VEGFC: variants seen among roughly 807,000 people sequenced by gnomAD.
VEGFC encodes the protein FLT4 ligand DHM.
A neutral mutation model predicts 46.1 loss-of-function variants in VEGFC; 12 were observed. That is an observed-to-expected ratio of 0.26 (90% confidence interval 0.17 to 0.42). VEGFC has a LOEUF of 0.42. VEGFC is among the 10% of genes least tolerant of loss of function. VEGFC has a pLI of 1.00. For missense variants in VEGFC, 488 were observed against 529.4 expected, an observed-to-expected ratio of 0.92 and a Z score of 0.77; for synonymous variants, 232 against 195.5, an observed-to-expected ratio of 1.19 and a Z score of -1.56.
At chr4:176,763,656 G>T (rs560411324) in intron 1 of VEGFC, among the ~76,000 whole-genome samples, 1 of 151,812 alleles carries the variant, frequency 6.6e-6, no homozygotes, top group Non-Finnish European at 1.5e-5. Flanking sequence ...CAAATAATTT[G>T]GTTCATATTA....
chr4:176,757,528 C>G (rs1579126004), intron 1 of VEGFC, among the ~76,000 whole-genome samples: 1 of 151,764 alleles, frequency 6.6e-6, no homozygotes, highest in Non-Finnish European at 1.5e-5. Context: ...AATATTGGTA[C>G]AGTCATAGAT....
At chr4:176,699,655 G>A (rs1345539656) in intron 4 of VEGFC, among the ~76,000 whole-genome samples, 1 of 152,280 alleles carries the variant, frequency 6.6e-6, no homozygotes, top group Admixed American at 6.5e-5. Flanking sequence ...TACGCCTGAC[G>A]CTTGTATACA....
chr4:176,753,332 C>T (rs534127865), intron 1 of VEGFC, among the ~76,000 whole-genome samples: 1 of 152,154 alleles, frequency 6.6e-6, no homozygotes, highest in South Asian at 2.1e-4. Flanking sequence ...GCAACTGCAC[C>T]TTATGGAATT....
chr4:176,719,377 A>T (rs551558855), intron 3 of VEGFC, among the ~76,000 whole-genome samples: 35 of 152,256 alleles, frequency 2.3e-4, no homozygotes, highest in Non-Finnish European at 4.7e-4. Flanking sequence ...AAATCATCAC[A>T]CACTCCCATT....
At chr4:176,692,733 C>T (rs538015277) in intron 4 of VEGFC, among the ~76,000 whole-genome samples, 1 of 149,002 alleles carries the variant, frequency 6.7e-6, no homozygotes, top group East Asian at 1.9e-4. Flanking sequence ...CCCTGTCTGA[C>T]AGCTTTGAAG....
chr4:176,702,198 A>G (rs1260629759), intron 4 of VEGFC, among the ~76,000 whole-genome samples: 1 of 152,192 alleles, frequency 6.6e-6, no homozygotes, highest in Non-Finnish European at 1.5e-5. Flanking sequence ...TTCTTAAATA[A>G]ACCCTAGTAA....
chr4:176,760,272 A>G (rs1237168533), intron 1 of VEGFC, among the ~76,000 whole-genome samples: 2 of 152,150 alleles, frequency 1.3e-5, no homozygotes, highest in Non-Finnish European at 2.9e-5. Context: ...CAAAGATCTT[A>G]AAGTTCTTCT....
intron 1 of VEGFC, among the ~76,000 whole-genome samples, chr4:176,783,573 C>A (rs1340262979): frequency 6.6e-6 from 1 of 152,038 alleles, no homozygotes; most frequent in Non-Finnish European, 1.5e-5. Flanking sequence ...TTATGTGTAC[C>A]AAAATCCTTT....
At chr4:176,767,979 G>A (rs4557213) in intron 1 of VEGFC, among the ~76,000 whole-genome samples, 125,493 of 152,014 alleles carry the variant, frequency 0.83, 53,370 homozygotes, top group East Asian at 1. Context: ...TGGATTCCCT[G>A]ATGAGTCTGA....
At chr4:176,762,349 T>G (rs535395928) in intron 1 of VEGFC, among the ~76,000 whole-genome samples, 2 of 152,166 alleles carry the variant, frequency 1.3e-5, no homozygotes, top group African/African-American at 4.8e-5. Context: ...GTATCATGGG[T>G]TCTATCTCTT....
chr4:176,710,673 A>G (rs1478200849), intron 4 of VEGFC, among the ~76,000 whole-genome samples: 1 of 152,132 alleles, frequency 6.6e-6, no homozygotes, highest in African/African-American at 2.4e-5. Flanking sequence ...GAGTTATGTA[A>G]GTTTCATCCA....
At chr4:176,739,405 T>C (rs143561890) in intron 1 of VEGFC, among the ~76,000 whole-genome samples, 17 of 152,074 alleles carry the variant, frequency 1.1e-4, no homozygotes, top group African/African-American at 3.6e-4. Flanking sequence ...TGGAAAACTA[T>C]GTAGCCATAA....
At chr4:176,719,855 G>A (rs1734754373) in intron 3 of VEGFC, among the ~76,000 whole-genome samples, 1 of 152,114 alleles carries the variant, frequency 6.6e-6, no homozygotes, top group South Asian at 2.1e-4. Context: ...GAAGTCAGGA[G>A]TTCGAGACCA....
chr4:176,741,922 T>C (rs73872168), intron 1 of VEGFC, among the ~76,000 whole-genome samples: 6,934 of 152,082 alleles, frequency 0.046, 491 homozygotes, highest in African/African-American at 0.16. Flanking sequence ...AATAGCGATA[T>C]GCAGATCAGA....
intron 1 of VEGFC, among the ~76,000 whole-genome samples, chr4:176,747,023 C>A (rs1257925576): frequency 3.9e-5 from 6 of 152,102 alleles, no homozygotes; most frequent in Non-Finnish European, 5.9e-5. Context: ...GCGTCTGCCG[C>A]ATAGCAATGC....
At chr4:176,701,681 T>C (rs2110987111) in intron 4 of VEGFC, among the ~76,000 whole-genome samples, 1 of 152,296 alleles carries the variant, frequency 6.6e-6, no homozygotes, top group East Asian at 1.9e-4. Context: ...TGAGACAATG[T>C]TTAGATAATG....
chr4:176,776,885 T>C (rs920671098), intron 1 of VEGFC, among the ~76,000 whole-genome samples: 4 of 152,254 alleles, frequency 2.6e-5, no homozygotes, highest in African/African-American at 9.6e-5. Context: ...TCAATATTTA[T>C]AGTTATTCCA....
chr4:176,760,465 T>C (rs1050045832), intron 1 of VEGFC, among the ~76,000 whole-genome samples: 2 of 152,216 alleles, frequency 1.3e-5, no homozygotes, highest in Non-Finnish European at 2.9e-5. Context: ...CTCGCTAAAA[T>C]ATCTTCCAAT....
Position 176,792,435 on chromosome 4 carries a change from C to CG in VEGFC, c.-125_-124insC, listed in dbSNP as rs1736117450. The CG allele has an allele frequency of 2.8e-6, 2 of 717,618 alleles. No homozygotes were observed. Among genetic ancestry groups the CG allele is most frequent in the South Asian group, 3.7e-5 (1 of 26,788 alleles). 44.5% of individuals were successfully genotyped at this position (717,618 alleles called of 1,614,324 possible). On this transcript the variant is annotated 5_prime_UTR_variant, in exon 1 of 7. Coordinates refer to ENST00000618562, the MANE Select transcript of VEGFC (RefSeq NM_005429.5). The surrounding 1 kb of genome is among the most constrained non-coding windows in gnomAD (Gnocchi z 6.3). The stretch of plus-strand genomic sequence containing the variant: ...CCCCGGGCTCCTCCCGGCGACCCCC[C>CG]CTGGGCGAGCCGGAGGCGGCGGGAG...
Sources: gnomAD v4.1 joint callset for allele counts (sites outside exome capture counted in the v4.1 genomes callset) on GRCh38, gnomAD v4.1.1 for gene constraint, Gnocchi (gnomAD v3.1) non-coding constraint, MANE v1.5 for transcripts, NCBI Gene and HGNC (gene_info 2026-07-23, HGNC 2026-07-21) for gene names.